Variants in KIF6 observed in about 807,000 individuals in gnomAD.
KIF6 encodes kinesin family member 6, also known as kinesin-like protein KIF6.
KIF6 carries 106 observed loss-of-function variants against 112.7 expected under a neutral mutation model. That is an observed-to-expected ratio of 0.94 (90% CI 0.80 to 1.11). The LOEUF (loss-of-function observed/expected upper bound fraction) is 1.11, where lower values mean the gene tolerates loss of function less well. Ranked by LOEUF, KIF6 falls within the 50% of genes least tolerant of loss-of-function variation. The pLI is 0.00. For missense variants in KIF6, 929 were observed against 964.0 expected, an observed-to-expected ratio of 0.96 and a Z score of 0.48; for synonymous variants, 339 against 339.9, an observed-to-expected ratio of 1.00 and a Z score of 0.03.
chr6:39,343,099 C>T lies in KIF6; in HGVS notation c.2428+610G>A, dbSNP rs1562108586. 4 of 985,218 alleles carry T rather than the reference C, an allele frequency of 4.1e-6. No individual in the cohort carries two copies. In the Admixed American group the frequency reaches 2.5e-4, roughly 61 times the overall value. 61.0% of individuals were successfully genotyped at this position (985,218 alleles called of 1,614,324 possible). A position where few individuals can be genotyped will look rare whatever the true frequency, so the allele number is the denominator to read the frequency against. On this transcript the variant is annotated intron_variant, in intron 22 of 22. Transcript: ENST00000287152. This position sits in a 1 kb window ranked among gnomAD's most constrained non-coding sequence, Gnocchi z 4.1. ...GGATGGAAGGCAGAAAGAGAAAAGGCCCAGCCACAGCAGATGGGAGATGGG... is the reference window on the plus strand; with the variant it reads ...GGATGGAAGGCAGAAAGAGAAAAGGTCCAGCCACAGCAGATGGGAGATGGG...
chr6:39,655,391 C>T (rs1232704385), intron 3 of KIF6, among the ~76,000 whole-genome samples: 2 of 151,970 alleles, frequency 1.3e-5, no homozygotes, highest in East Asian at 3.8e-4. Context: ...TGCATATTTT[C>T]TCCCAGATAG....
In KIF6 at chr6:39,378,482, C is replaced by T. The variant is rs1766642320; in HGVS notation, c.1861+7140G>A. On this transcript the variant is annotated intron_variant, in intron 16 of 22. Transcript: ENST00000287152. The surrounding 1 kb of genome is among the most constrained non-coding windows in gnomAD (Gnocchi z 5.0). ...CACCACATGCCGCATATACACAGCACACACGTACATACACAACAGACACAC... is the reference window on the plus strand; with the variant it reads ...CACCACATGCCGCATATACACAGCATACACGTACATACACAACAGACACAC... Among the ~76,000 whole-genome samples, 1 of 152,054 alleles carries T rather than the reference C, an allele frequency of 6.6e-6. No individual in the cohort carries two copies. The highest frequency in any genetic ancestry group is 1.5e-5 in the Non-Finnish European group (1 of 68,002).
At position 39,647,799 on chromosome 6, in the gene KIF6, C is replaced by G. The variant is rs374838798; in HGVS notation, c.252-8042G>C. On this transcript the variant is annotated intron_variant, in intron 3 of 22. Transcript: ENST00000287152. ...TCAGCTCACTGCAACCTCCGCCTCCCGGGTTCAGTTCAAGTGATTCTCCTG... is the reference window on the plus strand; with the variant it reads ...TCAGCTCACTGCAACCTCCGCCTCCGGGGTTCAGTTCAAGTGATTCTCCTG... Among the ~76,000 whole-genome samples the G allele has an allele frequency of 1.3e-4, 19 of 151,544 alleles. No individual in the cohort carries two copies. The South Asian group carries it at 4.0e-3, about 32-fold the overall frequency.
At chr6:39,549,277 T>C (rs1484803924) in intron 10 of KIF6, among the ~76,000 whole-genome samples, 1 of 152,144 alleles carries the variant, frequency 6.6e-6, no homozygotes, top group Non-Finnish European at 1.5e-5. Context: ...AATTTAGGTT[T>C]AATAGCATGA....
intron 10 of KIF6, among the ~76,000 whole-genome samples, chr6:39,572,563 C>T (rs1274514316): frequency 6.6e-6 from 1 of 151,220 alleles, no homozygotes; most frequent in African/African-American, 2.4e-5. Context: ...AATTCAATTT[C>T]ATCTCGGAAG....
intron 13 of KIF6, among the ~76,000 whole-genome samples, chr6:39,471,609 A>G (rs1330295006): frequency 2.0e-5 from 3 of 152,312 alleles, no homozygotes; most frequent in Admixed American, 6.5e-5. Context: ...CTGATCCTCA[A>G]TGTCATCATG....
intron 2 of KIF6, among the ~76,000 whole-genome samples, chr6:39,717,200 C>T (rs1561957138): frequency 6.6e-6 from 1 of 152,086 alleles, no homozygotes; most frequent in East Asian, 1.9e-4. Flanking sequence ...CTCACAATGA[C>T]TTATAAGGCT....
At chr6:39,354,975 C>T (rs951117178) in intron 19 of KIF6, among the ~76,000 whole-genome samples, 2 of 152,110 alleles carry the variant, frequency 1.3e-5, no homozygotes, top group Non-Finnish European at 2.9e-5. Flanking sequence ...CCAAGAAATT[C>T]AAGACCAGCC....
chr6:39,335,518 G>C lies in KIF6; in HGVS notation c.*1014C>G, dbSNP rs758340470. The stretch of plus-strand genomic sequence containing the variant: ...CATCAGGTCCTGTATTTATAGGACA[G>C]AGACACCAGGAGCAGTGGACCAGCA... On this transcript the variant is annotated 3_prime_UTR_variant, in exon 23 of 23. Transcript: ENST00000287152. The C allele has an allele frequency of 6.6e-6, 1 of 152,172 alleles. No individual in the cohort carries two copies. Among genetic ancestry groups the C allele is most frequent in the Non-Finnish European group, 1.5e-5 (1 of 68,048 alleles). The allele number at this position is 152,172 out of a possible 1,614,324, so 9.4% of individuals were successfully genotyped here. A position where few individuals can be genotyped will look rare whatever the true frequency, so the allele number is the denominator to read the frequency against.
intron 3 of KIF6, among the ~76,000 whole-genome samples, chr6:39,669,970 C>T (rs1293963929): frequency 6.6e-6 from 1 of 152,212 alleles, no homozygotes; most frequent in African/African-American, 2.4e-5. Flanking sequence ...AAGCAGATGG[C>T]CTGCTCTCCT....
At chr6:39,541,382 A>C (rs1277190466) in intron 12 of KIF6, among the ~76,000 whole-genome samples, 1 of 152,238 alleles carries the variant, frequency 6.6e-6, no homozygotes, top group African/African-American at 2.4e-5. Context: ...GTGTCTAAGC[A>C]TTAACATGAC....
intron 9 of KIF6, among the ~76,000 whole-genome samples, chr6:39,584,644 T>C (rs1781515222): frequency 6.6e-6 from 1 of 152,004 alleles, no homozygotes; most frequent in African/African-American, 2.4e-5. Context: ...TGCCTGCGTG[T>C]GAAGCCTGAC....
At chr6:39,493,908 A>G (rs1459548721) in intron 13 of KIF6, among the ~76,000 whole-genome samples, 1 of 152,158 alleles carries the variant, frequency 6.6e-6, no homozygotes, top group Admixed American at 6.5e-5. Flanking sequence ...GCCTCTTTCT[A>G]TACACAGTTT....
chr6:39,365,601 G>C (rs1393709288), intron 16 of KIF6, among the ~76,000 whole-genome samples: 1 of 152,206 alleles, frequency 6.6e-6, no homozygotes, highest in Non-Finnish European at 1.5e-5. Context: ...AACCGACAAT[G>C]GTAGGACTTT....
At chr6:39,507,292 T>A (rs1302454947) in intron 13 of KIF6, among the ~76,000 whole-genome samples, 4 of 152,078 alleles carry the variant, frequency 2.6e-5, no homozygotes, top group African/African-American at 9.7e-5. Flanking sequence ...AACTGGAGAA[T>A]TGCTAGGAAT....
At chr6:39,454,294 A>T (rs537198408) in intron 13 of KIF6, among the ~76,000 whole-genome samples, 1 of 152,158 alleles carries the variant, frequency 6.6e-6, no homozygotes, top group African/African-American at 2.4e-5. Context: ...AAAAGATGAA[A>T]GAGAGATTGA....
chr6:39,683,996 T>A (rs966586880), intron 3 of KIF6, among the ~76,000 whole-genome samples: 1 of 152,152 alleles, frequency 6.6e-6, no homozygotes, highest in Non-Finnish European at 1.5e-5. Context: ...ATTAGAAGAT[T>A]CTCATGTAAT....
At chr6:39,575,366 G>A (rs1780890802) in intron 10 of KIF6, among the ~76,000 whole-genome samples, 1 of 151,960 alleles carries the variant, frequency 6.6e-6, no homozygotes. Context: ...TGCCTCCCGG[G>A]TTGACGCCAT....
At chr6:39,448,051 T>C (rs913352808) in intron 13 of KIF6, among the ~76,000 whole-genome samples, 2 of 152,188 alleles carry the variant, frequency 1.3e-5, no homozygotes, top group African/African-American at 4.8e-5. Flanking sequence ...TCATACTCTC[T>C]CTTTCCTCAC....
Sources: allele counts gnomAD v4.1 joint callset (sites outside exome capture counted in the v4.1 genomes callset), GRCh38; gene constraint gnomAD v4.1.1; non-coding constraint Gnocchi (gnomAD v3.1); transcripts MANE v1.5; gene names NCBI Gene and HGNC (gene_info 2026-07-23, HGNC 2026-07-21).